The following KIFAP3 variants were observed in gnomAD, a reference collection of about 807,000 sequenced individuals.
KIFAP3 encodes kinesin associated protein 3.
KIFAP3 carries 68 observed loss-of-function variants against 106.5 expected under a neutral mutation model. The ratio of observed to expected loss-of-function variants is 0.64; its 90% CI spans 0.53 to 0.78. The LOEUF (loss-of-function observed/expected upper bound fraction) is 0.78. Among genes scored for constraint, KIFAP3 ranks in the 30% least tolerant of loss-of-function variants. The pLI, the probability that KIFAP3 is intolerant of heterozygous loss-of-function variation, is 0.00. For synonymous variants in KIFAP3, 320 were observed against 311.5 expected (o/e 1.03, Z -0.29); for missense variants, 780 against 941.8 (o/e 0.83, Z 2.25).
intron 10 of KIFAP3, among the ~76,000 whole-genome samples, chr1:169,999,059 A>G (rs1365517746): frequency 6.6e-6 from 1 of 152,228 alleles, no homozygotes; most frequent in Non-Finnish European, 1.5e-5. Context: ...ATTACGACTT[A>G]AAGGCTAATT....
At chr1:170,081,227 G>A (rs1426512208) in intron 1 of KIFAP3, among the ~76,000 whole-genome samples, 2 of 152,094 alleles carry the variant, frequency 1.3e-5, no homozygotes, top group Admixed American at 6.6e-5. Flanking sequence ...AACTAAAAAT[G>A]AGCAATTAAT....
At chr1:170,027,883 G>T (rs1669199724) in intron 8 of KIFAP3, among the ~76,000 whole-genome samples, 1 of 151,822 alleles carries the variant, frequency 6.6e-6, no homozygotes, top group South Asian at 2.1e-4. Flanking sequence ...AACGAATGAT[G>T]AAGAGACAAT....
chr1:170,004,845 A>G (rs1378854314), intron 10 of KIFAP3, among the ~76,000 whole-genome samples: 1 of 150,970 alleles, frequency 6.6e-6, no homozygotes, highest in African/African-American at 2.4e-5. Context: ...ACAAAAGCCA[A>G]AATTGACAAA....
rs1339365675 is a variant in KIFAP3 at position 169,928,101 on chromosome 1, C to CT, written c.2274-6321dup. ...ACAATTCACAACAATGTTATCTTTT[C>CT]TCTTTTTTTTTTCTTTGAGATGGAG... On this transcript the variant is annotated intron_variant, in intron 19 of 19. Coordinates refer to ENST00000361580, the MANE Select transcript of KIFAP3 (RefSeq NM_014970.4). 8.1e-4 allele frequency among the ~76,000 whole-genome samples: 18 copies of CT among 22,210 alleles called. No homozygotes were observed. In the African/African-American group the frequency reaches 8.6e-3, roughly 11 times the overall value. The allele number at this position is 22,210 out of a possible 152,430, so 14.6% of individuals were successfully genotyped here. A position where few individuals can be genotyped will look rare whatever the true frequency, so the allele number is the denominator to read the frequency against.
chr1:170,034,405 AAAGCTCATGTCTTTTTAAC>A lies in KIFAP3; in HGVS notation c.690_708del (p.Glu230AspfsTer22). The A allele has an allele frequency of 6.2e-7, 1 of 1,607,056 alleles. No individual in the cohort carries two copies. Among genetic ancestry groups the A allele is most frequent in the Non-Finnish European group, 8.5e-7 (1 of 1,176,654 alleles). On this transcript the variant is annotated frameshift_variant, in exon 7 of 20. Coordinates refer to ENST00000361580, the MANE Select transcript of KIFAP3 (RefSeq NM_014970.4). LOFTEE classifies it high-confidence loss of function. ...TTCTTCTTTGAGAGTTCTTCTTGCC[AAAGCTCATGTCTTTTTAAC>A]TCATGATCAATAATATTCATACACA...
At chr1:170,041,172 T>C (rs1669957776) in intron 3 of KIFAP3, among the ~76,000 whole-genome samples, 1 of 152,222 alleles carries the variant, frequency 6.6e-6, no homozygotes, top group African/African-American at 2.4e-5. Context: ...TCAACAAATA[T>C]ATTTTGATCA....
At chr1:169,928,739 C>T (rs528927898) in intron 19 of KIFAP3, among the ~76,000 whole-genome samples, 8 of 120,990 alleles carry the variant, frequency 6.6e-5, no homozygotes, top group South Asian at 2.9e-4. Flanking sequence ...TATACCTTTA[C>T]GAGTTGGGGA....
At position 169,983,315 on chromosome 1, in the gene KIFAP3, A is replaced by C; in HGVS notation, c.1461T>G (p.Ile487Met). Residue 487 changes from isoleucine to methionine, a missense_variant, in exon 13 of 20, where the codon ATT becomes ATG. Physicochemically the swap from Ile to Met is conservative, Grantham distance 10. This residue lies in a region of KIFAP3 where 588 missense variants were observed against 678.9 expected (regional missense o/e 0.87). Transcript: ENST00000361580. ...GTCCATCATGCTGAGAAATGTTTCT[A>C]ATCATTTTCATCAGCAATGGATCCT... ...KFKDPLLMKM[I>M]RNISQHDGPT... The C allele has an allele frequency of 6.2e-7, 1 of 1,609,618 alleles. No homozygotes were observed. Among genetic ancestry groups the C allele is most frequent in the Non-Finnish European group, 8.5e-7 (1 of 1,177,754 alleles).
intron 9 of KIFAP3, among the ~76,000 whole-genome samples, chr1:170,017,824 T>C (rs1353079518): frequency 2.6e-5 from 4 of 152,158 alleles, no homozygotes; most frequent in Admixed American, 1.3e-4. Flanking sequence ...GTCAATAAGG[T>C]AGATGTATTT....
rs1342079437 is a variant in KIFAP3 at position 170,005,050 on chromosome 1, T to C, written c.1183+11412A>G. Among the ~76,000 whole-genome samples, 19 of 150,270 alleles carry C rather than the reference T, an allele frequency of 1.3e-4. No individual in the cohort carries two copies. The South Asian group carries it at 1.3e-3, about 10-fold the overall frequency. ...ACCCCATCAAAAAGTGGGCAAAGGA[T>C]ATGAACAGACACTTCTCAAAAGAAG... is the stretch of plus-strand genomic sequence containing the variant. On this transcript the variant is annotated intron_variant, in intron 10 of 19. Coordinates refer to ENST00000361580, the MANE Select transcript of KIFAP3 (RefSeq NM_014970.4).
intron 8 of KIFAP3, among the ~76,000 whole-genome samples, chr1:170,028,717 G>A (rs1345691785): frequency 6.6e-6 from 1 of 152,094 alleles, no homozygotes; most frequent in African/African-American, 2.4e-5. Context: ...AGAAATGATT[G>A]CAACACTAAG....
intron 1 of KIFAP3, among the ~76,000 whole-genome samples, chr1:170,080,177 A>T (rs1671998075): frequency 6.6e-6 from 1 of 152,130 alleles, no homozygotes; most frequent in African/African-American, 2.4e-5. Context: ...ATACCACCAG[A>T]GAGCAATAAA....
intron 1 of KIFAP3, among the ~76,000 whole-genome samples, chr1:170,061,282 C>T (rs536210214): frequency 2.6e-3 from 396 of 151,968 alleles, no homozygotes; most frequent in Non-Finnish European, 4.3e-3. Flanking sequence ...GGGCTAATAT[C>T]CAGAATCTAC....
chr1:170,054,522 C>T (rs996094491), intron 2 of KIFAP3, among the ~76,000 whole-genome samples: 5 of 152,142 alleles, frequency 3.3e-5, no homozygotes, highest in Non-Finnish European at 7.3e-5. Context: ...AGGTTTATTA[C>T]AGCACTATTT....
chr1:170,031,926 CT>C lies in KIFAP3; in HGVS notation c.800del (p.Lys267SerfsTer7). On this transcript the variant is annotated frameshift_variant, in exon 8 of 20. Coordinates refer to ENST00000361580, the MANE Select transcript of KIFAP3 (RefSeq NM_014970.4). LOFTEE classifies it high-confidence loss of function. ...LRKDYEKTFK[K>X]YQGLVVKQEQ... is the part of the protein sequence containing the mutation. ...CCTGTTTTACCACAAGCCCCTGGTA[CT>C]TTTTAAAGGTTTTTTCATAATCCTT... 1 of 1,611,036 alleles carries C rather than the reference CT, an allele frequency of 6.2e-7. No homozygotes were observed. The highest frequency in any genetic ancestry group is 8.5e-7 in the Non-Finnish European group (1 of 1,177,872).
At chr1:169,929,108 C>G (rs929871582) in intron 19 of KIFAP3, among the ~76,000 whole-genome samples, 1 of 152,070 alleles carries the variant, frequency 6.6e-6, no homozygotes, top group African/African-American at 2.4e-5. Context: ...AGATGGAGAG[C>G]TTGTCTTACC....
At chr1:169,967,915 GA>G (rs1423175802) in intron 17 of KIFAP3, among the ~76,000 whole-genome samples, 1 of 151,622 alleles carries the variant, frequency 6.6e-6, no homozygotes, top group African/African-American at 2.4e-5. Flanking sequence ...CCCCATATCA[GA>G]AAATAATTAT....
At chr1:169,961,381 T>A in intron 17 of KIFAP3, 146 bp from the exon 18 acceptor site, 1 of 568,096 alleles carries the variant, frequency 1.8e-6, no homozygotes, top group Non-Finnish European at 3.1e-6. Flanking sequence ...TTATTTTATA[T>A]AATAGCCAAC....
chr1:170,018,219 T>C (rs945983941), intron 9 of KIFAP3, among the ~76,000 whole-genome samples: 57 of 152,192 alleles, frequency 3.7e-4, no homozygotes, highest in African/African-American at 1.4e-3. Context: ...TTACCAGCTG[T>C]CAATGGCTGC....
Sources: gnomAD v4.1 joint callset for allele counts (sites outside exome capture counted in the v4.1 genomes callset) on GRCh38, gnomAD v4.1.1 for gene constraint, gnomAD v4.1.1 regional missense constraint, MANE v1.5 for transcripts, NCBI Gene and HGNC (gene_info 2026-07-23, HGNC 2026-07-21) for gene names.